The following GNL3L variants were observed in gnomAD, a reference collection of about 807,000 sequenced individuals.
GNL3L encodes the protein guanine nucleotide-binding protein-like 3-like protein.
Under a neutral mutation model 42.9 loss-of-function variants are expected in GNL3L, and 4 were observed. That is an observed-to-expected ratio of 0.09 (90% CI 0.05 to 0.21). The LOEUF (loss-of-function observed/expected upper bound fraction) is 0.21. Ranked by LOEUF, GNL3L falls within the 10% of genes least tolerant of loss-of-function variation. The pLI, the probability that GNL3L is intolerant of heterozygous loss-of-function variation, is 1.00. For synonymous variants in GNL3L, 159 were observed against 176.3 expected, an observed-to-expected ratio of 0.90 and a Z score of 0.78; for missense variants, 412 against 481.7, an observed-to-expected ratio of 0.86 and a Z score of 1.36.
intron 4 of GNL3L, 111 bp downstream of exon 4, chrX:54,540,353 T>A (rs1303493740): frequency 1.9e-6 from 1 of 516,388 alleles, no homozygotes; most frequent in Non-Finnish European, 3.4e-6. Flanking sequence ...TTGAGGCTAT[T>A]TGTGGAAGCC....
At chrX:54,571,911 TCCC>T (rs896323458), downstream of GNL3L, among the ~76,000 whole-genome samples, 2 of 110,381 alleles carry the variant, frequency 1.8e-5, no homozygotes, top group Non-Finnish European at 3.8e-5. Context: ...CCTGAAGTTG[TCCC>T]ACAGATCATT....
At chrX:54,583,656 T>G (rs1488423752) in intron 16 of GNL3L, among the ~76,000 whole-genome samples, 1 of 111,343 alleles carries the variant, frequency 9.0e-6, no homozygotes. Context: ...TAATAATTTT[T>G]TTTTTGAGAC....
At chrX:54,621,327 A>G (rs1926284131) in exon 17 of GNL3L, among the ~76,000 whole-genome samples, 1 of 111,986 alleles carries the variant, frequency 8.9e-6, no homozygotes, top group Non-Finnish European at 1.9e-5. Flanking sequence ...TAGAGACCAA[A>G]TGTAGAAACT....
chrX:54,532,659 G>T, intron 2 of GNL3L, 74 bp downstream of exon 2: 1 of 862,516 alleles, frequency 1.2e-6, no homozygotes. Flanking sequence ...GCAACTTTTT[G>T]TTTTTTTGGT....
At chrX:54,617,979 C>T (rs1027328693) in intron 16 of GNL3L, among the ~76,000 whole-genome samples, 1 of 111,805 alleles carries the variant, frequency 8.9e-6, no homozygotes, top group African/African-American at 3.2e-5. Context: ...GGGCCTTTCT[C>T]AGTCTCTTTT....
intron 16 of GNL3L, among the ~76,000 whole-genome samples, chrX:54,589,952 T>C (rs1043154711): frequency 2.7e-5 from 3 of 110,328 alleles, no homozygotes; most frequent in Non-Finnish European, 5.7e-5. Context: ...TTAATTATTA[T>C]TTTTTGAGAC....
At chrX:54,544,613 G>A (rs1924721060) in intron 8 of GNL3L, among the ~76,000 whole-genome samples, 1 of 109,290 alleles carries the variant, frequency 9.1e-6, no homozygotes, top group Admixed American at 9.9e-5. Flanking sequence ...GGGATTACAT[G>A]CACGCGTCAC....
chrX:54,630,916 C>T, the GNL3L span, among the ~76,000 whole-genome samples: 2 of 106,313 alleles, frequency 1.9e-5, no homozygotes, highest in Non-Finnish European at 3.8e-5. Context: ...AAGTGATTAT[C>T]CTGCCTCAGC....
At chrX:54,640,001 TAGAGCCACCCA>T in the GNL3L span, among the ~76,000 whole-genome samples, 3 of 108,925 alleles carry the variant, frequency 2.8e-5, no homozygotes, top group Non-Finnish European at 5.7e-5. Context: ...GTCCAGAGGT[TAGAGCCACCCA>T]AGAGCTGGTA....
At chrX:54,618,499 T>C (rs779351977) in intron 16 of GNL3L, among the ~76,000 whole-genome samples, 3 of 111,930 alleles carry the variant, frequency 2.7e-5, no homozygotes, top group Non-Finnish European at 5.6e-5. Context: ...ATTGATCTTC[T>C]TGGAGTCTAG....
chrX:54,611,138 G>A (rs1926157723), intron 16 of GNL3L, among the ~76,000 whole-genome samples: 1 of 111,081 alleles, frequency 9.0e-6, no homozygotes, highest in South Asian at 3.8e-4. Flanking sequence ...TTGCATAAAG[G>A]TGTGTTCATA....
At chrX:54,592,877 G>A (rs1215119458) in intron 16 of GNL3L, among the ~76,000 whole-genome samples, 3 of 111,164 alleles carry the variant, frequency 2.7e-5, no homozygotes, top group African/African-American at 9.8e-5. Context: ...CGATTGAAAT[G>A]ATTATGTGGT....
chrX:54,612,753 G>A (rs898258158), intron 16 of GNL3L, among the ~76,000 whole-genome samples: 1 of 111,466 alleles, frequency 9.0e-6, no homozygotes, highest in South Asian at 3.8e-4. Flanking sequence ...CTGAAGATAG[G>A]GCCCCAATCC....
chrX:54,602,740 G>A (rs1224863791), intron 16 of GNL3L, among the ~76,000 whole-genome samples: 1 of 111,501 alleles, frequency 9.0e-6, no homozygotes, highest in Non-Finnish European at 1.9e-5. Flanking sequence ...CTCTGCAGGT[G>A]GCTTTTAGGA....
At chrX:54,643,233 T>G in the GNL3L span, among the ~76,000 whole-genome samples, 1 of 111,755 alleles carries the variant, frequency 8.9e-6, no homozygotes, top group Non-Finnish European at 1.9e-5. Context: ...ATTGGATGTC[T>G]TTTAGTGGTT....
At chrX:54,575,412 C>T (rs752436764) in intron 16 of GNL3L, among the ~76,000 whole-genome samples, 1 of 106,229 alleles carries the variant, frequency 9.4e-6, no homozygotes, top group East Asian at 2.9e-4. Flanking sequence ...TGGATGAATG[C>T]ACCTTCTATG....
chrX:54,541,414 G>C (rs937130320), intron 5 of GNL3L, 25 bp downstream of exon 5: 3 of 990,515 alleles, frequency 3.0e-6, no homozygotes, highest in Admixed American at 2.3e-5. Flanking sequence ...CTTGCCCCTG[G>C]GTAGGTTTGC....
At chrX:54,571,178 C>T (rs1363797056), downstream of GNL3L, among the ~76,000 whole-genome samples, 1 of 104,318 alleles carries the variant, frequency 9.6e-6, no homozygotes, top group Non-Finnish European at 1.9e-5. Context: ...TATGTTGTTT[C>T]TAAGATGTCA....
chrX:54,577,183 C>A (rs1354695720), intron 16 of GNL3L, among the ~76,000 whole-genome samples: 1 of 112,259 alleles, frequency 8.9e-6, no homozygotes, highest in Non-Finnish European at 1.9e-5. Flanking sequence ...TGGCTTATTT[C>A]ACTTAGCATA....
Sources: allele counts gnomAD v4.1 joint callset (sites outside exome capture counted in the v4.1 genomes callset), GRCh38; gene constraint gnomAD v4.1.1; transcripts MANE v1.5; gene names NCBI Gene and HGNC (gene_info 2026-07-23, HGNC 2026-07-21).